Variants in ATP6V0A2 observed in about 807,000 individuals in gnomAD.
ATP6V0A2 encodes the protein V-type proton ATPase 116 kDa subunit a 2.
In ATP6V0A2, 58 loss-of-function variants were observed where a neutral mutation model predicts 104.4. The observed-to-expected ratio is 0.56, with a 90% CI of 0.45 to 0.69. The LOEUF (loss-of-function observed/expected upper bound fraction) is 0.69. ATP6V0A2 is among the 30% of genes least tolerant of loss of function. ATP6V0A2 has a pLI of 0.00. For synonymous variants in ATP6V0A2, 376 were observed against 397.9 expected (o/e 0.95, Z 0.65); for missense variants, 938 against 1,062.9 (o/e 0.88, Z 1.63).
At position 123,712,702 on chromosome 12, in the gene ATP6V0A2, C is replaced by G. The variant is rs375746759; in HGVS notation, c.117+20C>G. The G allele has an allele frequency of 2.5e-6, 4 of 1,593,014 alleles. No homozygotes were observed. In the East Asian group the frequency reaches 6.7e-5, roughly 27 times the overall value. ...CGAGACGTGAGTGTCGCCCGGGAGA[C>G]GCGGGCCGCACCTGCTCTCCTGGCG... is the stretch of plus-strand genomic sequence containing the variant. On this transcript the variant is annotated intron_variant, in intron 1 of 19. Coordinates refer to ENST00000330342, the MANE Select transcript of ATP6V0A2 (RefSeq NM_012463.4).
Position 123,748,580 on chromosome 12 carries a change from T to C in ATP6V0A2, c.1730T>C (p.Phe577Ser). The C allele has an allele frequency of 3.1e-6, 5 of 1,612,780 alleles. No homozygotes were observed. The highest frequency in any genetic ancestry group is 4.2e-6 in the Non-Finnish European group (5 of 1,178,724). The change falls in exon 15 of 20, where the codon TTC becomes TCC. Residue 577 changes from phenylalanine (F) to serine (S), a missense_variant. Transcript: ENST00000330342. ...TGATTCCTTTTCTTTCCTAGGCACT[T>C]CAGGAAGAAGTTCAACATTTACCTG... ...VILGIFNHLH[F>S]RKKFNIYLVS...
chr12:123,736,937 G>A (rs1956559837), intron 8 of ATP6V0A2, 122 bp from the exon 9 acceptor site: 2 of 962,748 alleles, frequency 2.1e-6, no homozygotes, highest in Non-Finnish European at 3.3e-6. Flanking sequence ...CACCAGGATA[G>A]GCAGGTGCCT....
chr12:123,719,145 A>G (rs1305327557), intron 2 of ATP6V0A2, among the ~76,000 whole-genome samples: 2 of 152,232 alleles, frequency 1.3e-5, no homozygotes, highest in African/African-American at 4.8e-5. Flanking sequence ...TTCAAGGAAC[A>G]AGGGAGGCGG....
chr12:123,717,571 A>G (rs1291578280), intron 1 of ATP6V0A2, among the ~76,000 whole-genome samples: 1 of 150,942 alleles, frequency 6.6e-6, no homozygotes, highest in African/African-American at 2.4e-5. Flanking sequence ...CAGCCTTCTG[A>G]GCAACTGGGA....
chr12:123,736,947 TG>T, intron 8 of ATP6V0A2, 111 bp from the exon 9 acceptor site: 1 of 1,073,564 alleles, frequency 9.3e-7, no homozygotes, highest in Non-Finnish European at 1.4e-6. Flanking sequence ...GGCAGGTGCC[TG>T]GAATGATCCT....
chr12:123,754,867 C>T (rs973701271), intron 18 of ATP6V0A2: 3 of 361,670 alleles, frequency 8.3e-6, no homozygotes, highest in African/African-American at 6.1e-5. Context: ...GCTACTGTTG[C>T]CATTACTGTT....
At chr12:123,730,080 C>T (rs1352923237) in intron 6 of ATP6V0A2, among the ~76,000 whole-genome samples, 1 of 102,050 alleles carries the variant, frequency 9.8e-6, no homozygotes, top group African/African-American at 4.0e-5. Flanking sequence ...TTTGAGACAG[C>T]GTCTGGCTCT....
chr12:123,715,629 T>C (rs1956332071), intron 1 of ATP6V0A2, among the ~76,000 whole-genome samples: 1 of 152,158 alleles, frequency 6.6e-6, no homozygotes, highest in South Asian at 2.1e-4. Flanking sequence ...TACTGTAAAT[T>C]GTTGAAGTAT....
chr12:123,713,409 T>C (rs1338843749), intron 1 of ATP6V0A2, among the ~76,000 whole-genome samples: 1 of 152,072 alleles, frequency 6.6e-6, no homozygotes, highest in African/African-American at 2.4e-5. Flanking sequence ...TAATAAACAT[T>C]TGTTTGTCCA....
In ATP6V0A2 at chr12:123,726,284, G is replaced by C. The variant is rs1217740871; in HGVS notation, c.520G>C (p.Gly174Arg). ...SCMQRLGAKL[G>R]FVSGLINQGK... ...TATGCAGAGGCTGGGAGCAAAACTG[G>C]GGTAGGTGACAAGGCCTGGGGTGTC... is the stretch of plus-strand genomic sequence containing the variant. Residue 174 changes from glycine to arginine, a missense_variant and splice_region_variant, in exon 5 of 20, where the codon GGA becomes CGA. Gly to Arg is a moderately radical substitution (Grantham distance 125). Coordinates refer to ENST00000330342, the MANE Select transcript of ATP6V0A2 (RefSeq NM_012463.4). 6.2e-7 allele frequency: 1 copy of C among 1,612,868 alleles called. No individual in the cohort carries two copies. Among genetic ancestry groups the C allele is most frequent in the Admixed American group, 1.7e-5 (1 of 60,026 alleles).
At chr12:123,724,560 A>C in intron 3 of ATP6V0A2, 94 bp from the exon 4 acceptor site, 1 of 1,397,026 alleles carries the variant, frequency 7.2e-7, no homozygotes, top group South Asian at 1.3e-5. Flanking sequence ...ACAAAACAAA[A>C]AAACCCACTG....
chr12:123,744,402 G>C lies in ATP6V0A2; in HGVS notation c.1326+65G>C. 10 of 1,605,268 alleles carry C rather than the reference G, an allele frequency of 6.2e-6. No homozygotes were observed. The highest frequency in any genetic ancestry group is 8.5e-6 in the Non-Finnish European group (10 of 1,172,438). On this transcript the variant is annotated intron_variant, in intron 11 of 19. Coordinates refer to ENST00000330342, the MANE Select transcript of ATP6V0A2 (RefSeq NM_012463.4). This position sits in a 1 kb window ranked among gnomAD's most constrained non-coding sequence, Gnocchi z 5.4. ...TGGCATTAGCAGTGACCGAAAGAGA[G>C]ACACCTCTTAGATGTTTGCTGTAGG... is the stretch of plus-strand genomic sequence containing the variant.
intron 15 of ATP6V0A2, among the ~76,000 whole-genome samples, chr12:123,749,100 G>T (rs895230875): frequency 1.3e-5 from 2 of 152,092 alleles, no homozygotes; most frequent in Non-Finnish European, 2.9e-5. Context: ...GACCAGCCTG[G>T]GCAACACAGC....
At position 123,758,237 on chromosome 12, in the gene ATP6V0A2, G is replaced by A; in HGVS notation, c.*205G>A. On this transcript the variant is annotated 3_prime_UTR_variant, in exon 20 of 20. Coordinates refer to ENST00000330342, the MANE Select transcript of ATP6V0A2 (RefSeq NM_012463.4). Reference sequence around the variant, plus strand: ...AATTTGAGATATAAAAATTTCTTTTGGTTTTTTATGATGAGCAAATATAAG... The same window carrying A: ...AATTTGAGATATAAAAATTTCTTTTAGTTTTTTATGATGAGCAAATATAAG... 2.2e-6 allele frequency: 1 copy of A among 448,854 alleles called. No homozygotes were observed. Among genetic ancestry groups the A allele is most frequent in the Non-Finnish European group, 3.9e-6 (1 of 255,376 alleles). 27.8% of individuals were successfully genotyped at this position (448,854 alleles called of 1,614,324 possible). A position where few individuals can be genotyped will look rare whatever the true frequency, so the allele number is the denominator to read the frequency against.
At chr12:123,741,031 A>C (rs191468399) in intron 9 of ATP6V0A2, among the ~76,000 whole-genome samples, 1 of 151,964 alleles carries the variant, frequency 6.6e-6, no homozygotes, top group Non-Finnish European at 1.5e-5. Flanking sequence ...TCTTTCTGGC[A>C]TCTTCTCACT....
chr12:123,726,144 A>G, intron 4 of ATP6V0A2, 53 bp from the exon 5 acceptor site: 1 of 1,390,064 alleles, frequency 7.2e-7, no homozygotes, highest in African/African-American at 1.4e-5. Context: ...TGACATGAGA[A>G]ATAAAGTGTC....
chr12:123,744,444 C>T lies in ATP6V0A2; in HGVS notation c.1326+107C>T. The T allele has an allele frequency of 6.4e-7, 1 of 1,568,672 alleles. No individual in the cohort carries two copies. Among genetic ancestry groups the T allele is most frequent in the Non-Finnish European group, 8.7e-7 (1 of 1,143,008 alleles). On this transcript the variant is annotated intron_variant, in intron 11 of 19. Transcript: ENST00000330342. The surrounding 1 kb of genome is among the most constrained non-coding windows in gnomAD (Gnocchi z 5.4). ...TGCTGTAGGCTGCGGCTGTGCTGGG[C>T]AGGTGTGTGGCCTGTCAGCTGCGGC...
At chr12:123,752,167 CT>C (rs2135918485) in intron 16 of ATP6V0A2, 115 bp from the exon 17 acceptor site, 2 of 1,463,468 alleles carry the variant, frequency 1.4e-6, no homozygotes, top group African/African-American at 1.4e-5. Context: ...GCCTAAAGAA[CT>C]TTTTTATTCT....
At position 123,761,100 on chromosome 12, in the gene ATP6V0A2, T is replaced by C. The variant is rs985101229; in HGVS notation, c.*3068T>C. On this transcript the variant is annotated 3_prime_UTR_variant, in exon 20 of 20. Transcript: ENST00000330342. ...TTTTGTATTTTTAGTAGAGACAGGGTTTCACCATGTTGGCCAGGCTGGTCT... is the reference window on the plus strand; with the variant it reads ...TTTTGTATTTTTAGTAGAGACAGGGCTTCACCATGTTGGCCAGGCTGGTCT... 1 of 152,070 alleles carries C rather than the reference T, an allele frequency of 6.6e-6. No individual in the cohort carries two copies. The highest frequency in any genetic ancestry group is 2.4e-5 in the African/African-American group (1 of 41,402). The allele number at this position is 152,070 out of a possible 1,614,324, so 9.4% of individuals were successfully genotyped here.
Sources: gnomAD v4.1 joint callset for allele counts (sites outside exome capture counted in the v4.1 genomes callset) on GRCh38, gnomAD v4.1.1 for gene constraint, Gnocchi (gnomAD v3.1) non-coding constraint, MANE v1.5 for transcripts, NCBI Gene and HGNC (gene_info 2026-07-23, HGNC 2026-07-21) for gene names.